Variants in CNOT3 observed in about 807,000 individuals in gnomAD.
CNOT3 encodes CCR4-associated factor 3.
In CNOT3, 2 loss-of-function variants were observed where a neutral mutation model predicts 89.4. The ratio of observed to expected loss-of-function variants is 0.02; its 90% CI spans 0.01 to 0.07. CNOT3 has a LOEUF of 0.07. Ranked by LOEUF, CNOT3 falls within the 10% of genes least tolerant of loss-of-function variation. The pLI is 1.00. For synonymous variants in CNOT3, 486 were observed against 402.0 expected (o/e 1.21, Z -2.50); for missense variants, 664 against 1,010.2 (o/e 0.66, Z 4.65).
intron 12 of CNOT3, 21 bp from the exon 13 acceptor site, chr19:54,149,539 T>G (rs748438986): frequency 4.6e-6 from 7 of 1,507,068 alleles, no homozygotes; most frequent in Non-Finnish European, 5.4e-6. Context: ...CTCAACCCCC[T>G]CTTCCATGCT....
chr19:54,151,128 C>T (rs12973183), intron 13 of CNOT3, among the ~76,000 whole-genome samples: 2 of 151,922 alleles, frequency 1.3e-5, no homozygotes, highest in Non-Finnish European at 2.9e-5. Context: ...ATTTATAGTG[C>T]GTGCATTTTT....
chr19:54,155,567 ACCCTGGGGG>A lies in CNOT3; in HGVS notation c.*164_*172del, dbSNP rs2075359883. 1.1e-5 allele frequency: 11 copies of A among 967,176 alleles called. 1 individual carries two copies. The South Asian group carries it at 1.7e-4, about 15-fold the overall frequency. 59.9% of individuals were successfully genotyped at this position (967,176 alleles called of 1,614,324 possible). ...GCCGGGAGGTTTTCCTCTCAGCCCC[ACCCTGGGGG>A]CCCGGGGGCGAGGGCTGCCCCCTCC... On this transcript the variant is annotated 3_prime_UTR_variant, in exon 18 of 18. Transcript: ENST00000221232.
Position 54,144,024 on chromosome 19 carries a change from G to A in CNOT3, c.277G>A (p.Val93Ile). The change falls in exon 6 of 18, where the codon GTT becomes ATT. Residue 93 changes from valine to isoleucine, a missense_variant. Transcript: ENST00000221232. This position sits in a 1 kb window ranked among gnomAD's most constrained non-coding sequence, Gnocchi z 4.8. ...TCTACAGCAAATGGAACGGTTCAAA[G>A]TTGTGGAACGAGAGACCAAAACCAA... ...LIETQMERFKVVERETKTKAY... is the reference protein window; with the variant it reads ...LIETQMERFKIVERETKTKAY... 1.3e-6 allele frequency: 2 copies of A among 1,597,230 alleles called. No homozygotes were observed. The highest frequency in any genetic ancestry group is 1.7e-6 in the Non-Finnish European group (2 of 1,175,650).
In CNOT3 at chr19:54,148,812, C is replaced by T. The variant is rs1485159946; in HGVS notation, c.1406+69C>T. ...GAAACAGAGAGGCGCAGGCGCCTCA[C>T]CCCCGCATCGGTGGGTTCTGAACCC... On this transcript the variant is annotated intron_variant, in intron 12 of 17. Transcript: ENST00000221232. The surrounding 1 kb of genome is among the most constrained non-coding windows in gnomAD (Gnocchi z 6.3). 3 of 1,518,692 alleles carry T rather than the reference C, an allele frequency of 2.0e-6. No homozygotes were observed. The highest frequency in any genetic ancestry group is 2.7e-6 in the Non-Finnish European group (3 of 1,122,284). 94.1% of individuals were successfully genotyped at this position (1,518,692 alleles called of 1,614,324 possible).
At chr19:54,152,783 C>T in intron 15 of CNOT3, 84 bp from the exon 16 acceptor site, 1 of 849,652 alleles carries the variant, frequency 1.2e-6, no homozygotes, top group Non-Finnish European at 2.0e-6. Flanking sequence ...CCACCTCCCC[C>T]CGCAGGGATG....
At chr19:54,150,406 G>A (rs2075006649) in intron 13 of CNOT3, among the ~76,000 whole-genome samples, 1 of 152,218 alleles carries the variant, frequency 6.6e-6, no homozygotes, top group Non-Finnish European at 1.5e-5. Flanking sequence ...AGAGAGGAGA[G>A]AGGTGTCCAC....
chr19:54,149,894 C>G (rs587605913), intron 13 of CNOT3, 136 bp downstream of exon 13: 13 of 929,516 alleles, frequency 1.4e-5, no homozygotes, highest in South Asian at 3.8e-5. Context: ...CTCACACTTG[C>G]TCTTTCTCCA....
At chr19:54,143,617 C>G (rs2074545714) in intron 4 of CNOT3, 43 bp from the exon 5 acceptor site, 2 of 1,608,054 alleles carry the variant, frequency 1.2e-6, no homozygotes, top group African/African-American at 1.3e-5. Context: ...GGCCCCAGTT[C>G]CTGGGTCCTG....
Position 54,152,907 on chromosome 19 carries a change from C to A in CNOT3, c.1945C>A (p.His649Asn). ...GAACCCCTGTCCGACGCCCCCCTAC[C>A]ACCACCAGATGCCACCCCCACACTC... ...PRNPCPTPPY[H>N]HQMPPPHSDT... is the part of the protein sequence containing the mutation. The change falls in exon 16 of 18, where the codon CAC becomes AAC. Residue 649 changes from histidine to asparagine, a missense_variant. By Grantham distance (68) the His-to-Asn change is moderately conservative (BLOSUM62 1). Transcript: ENST00000221232. The A allele has an allele frequency of 1.3e-6, 2 of 1,588,748 alleles. No homozygotes were observed. The highest frequency in any genetic ancestry group is 1.1e-5 in the South Asian group (1 of 88,622).
At position 54,146,609 on chromosome 19, in the gene CNOT3, T is replaced by G; in HGVS notation, c.846T>G (p.Ser282=). 6.5e-7 allele frequency: 1 copy of G among 1,533,240 alleles called. No homozygotes were observed. The highest frequency in any genetic ancestry group is 9.0e-7 in the Non-Finnish European group (1 of 1,106,396). 95.0% of individuals were successfully genotyped at this position (1,533,240 alleles called of 1,614,324 possible). The change falls in exon 10 of 18, where the codon TCT becomes TCG. Residue 282 remains serine (S), a synonymous_variant. Transcript: ENST00000221232. ...PSPANCTTEN[S]EDDKKRGRST... The stretch of plus-strand genomic sequence containing the variant: ...TGCCTCCCCTACCTCAGGAAAACTC[T>G]GAAGATGATAAGAAGAGGGGACGTT...
At chr19:54,154,031 C>T in intron 17 of CNOT3, 191 bp downstream of exon 17, 3 of 772,540 alleles carry the variant, frequency 3.9e-6, no homozygotes, top group Non-Finnish European at 6.9e-6. Flanking sequence ...TCCACTTGGC[C>T]AGCTCCTAGG....
chr19:54,152,750 G>A, intron 15 of CNOT3, 117 bp from the exon 16 acceptor site: 1 of 935,188 alleles, frequency 1.1e-6, no homozygotes, highest in Non-Finnish European at 1.7e-6. Context: ...CTGAAGGTCA[G>A]CACCGCCCTG....
At chr19:54,141,346 G>A (rs1276395357) in intron 1 of CNOT3, 2 of 152,300 alleles carry the variant, frequency 1.3e-5, no homozygotes, top group East Asian at 3.9e-4. Context: ...CAAGTGTAAG[G>A]TAGCACCCCT....
At chr19:54,147,623 G>A (rs367858806) in intron 10 of CNOT3, among the ~76,000 whole-genome samples, 27 of 152,314 alleles carry the variant, frequency 1.8e-4, no homozygotes, top group African/African-American at 5.1e-4. Context: ...GATTGCCTGC[G>A]GTAGGGATAC....
In CNOT3 at chr19:54,152,261, G is replaced by A. The variant is rs775605909; in HGVS notation, c.1641G>A (p.Ala547=). 2.5e-5 allele frequency: 41 copies of A among 1,614,000 alleles called. No individual in the cohort carries two copies. The highest frequency in any genetic ancestry group is 2.0e-4 in the East Asian group (9 of 44,868). ...PEPLSSLKSM[A]ERAAISSGIE... The stretch of plus-strand genomic sequence containing the variant: ...CTCTGAGCTCCTTGAAGTCCATGGC[G>A]GAACGGGCAGCCATCAGCTCTGGCA... Residue 547 remains alanine, a synonymous_variant, in exon 14 of 18, where the codon GCG becomes GCA. Coordinates refer to ENST00000221232, the MANE Select transcript of CNOT3 (RefSeq NM_014516.4).
At chr19:54,152,196 C>T in intron 13 of CNOT3, 30 bp from the exon 14 acceptor site, 1 of 1,612,006 alleles carries the variant, frequency 6.2e-7, no homozygotes. Context: ...AGCCCAAGTG[C>T]TCAGGCCAGG....
Position 54,148,026 on chromosome 19 carries a change from C to T in CNOT3, c.895-122C>T, listed in dbSNP as rs1337653321. ...ACCCAGGTCCCCAAGAGGGCAGGAGCAGGTGGGGGCAGCGAGGCCAGAGAG... is the reference window on the plus strand; with the variant it reads ...ACCCAGGTCCCCAAGAGGGCAGGAGTAGGTGGGGGCAGCGAGGCCAGAGAG... On this transcript the variant is annotated intron_variant, in intron 10 of 17. Coordinates refer to ENST00000221232, the MANE Select transcript of CNOT3 (RefSeq NM_014516.4). The surrounding 1 kb of genome is among the most constrained non-coding windows in gnomAD (Gnocchi z 6.3). 24 of 656,260 alleles carry T rather than the reference C, an allele frequency of 3.7e-5. No homozygotes were observed. Among genetic ancestry groups the T allele is most frequent in the Non-Finnish European group, 5.3e-5 (22 of 416,366 alleles). 40.7% of individuals were successfully genotyped at this position (656,260 alleles called of 1,614,324 possible).
At position 54,143,348 on chromosome 19, in the gene CNOT3, G is replaced by A. The variant is rs587761983; in HGVS notation, c.94-94G>A. 2.2e-6 allele frequency: 3 copies of A among 1,361,952 alleles called. No individual in the cohort carries two copies. In the African/African-American group the frequency reaches 4.3e-5, roughly 20 times the overall value. 84.4% of individuals were successfully genotyped at this position (1,361,952 alleles called of 1,614,324 possible). A position where few individuals can be genotyped will look rare whatever the true frequency, so the allele number is the denominator to read the frequency against. ...ATGGATTGGGGGTAGGGGTTGGGGG[G>A]GGTCCTCGAGTCCCTAGCATAAGGA... is the stretch of plus-strand genomic sequence containing the variant. On this transcript the variant is annotated intron_variant, in intron 3 of 17. Coordinates refer to ENST00000221232, the MANE Select transcript of CNOT3 (RefSeq NM_014516.4).
At chr19:54,139,784 G>A (rs11670625) in intron 1 of CNOT3, among the ~76,000 whole-genome samples, 15,374 of 152,054 alleles carry the variant, frequency 0.1, 888 homozygotes, top group South Asian at 0.22. Context: ...TGTAGACCCT[G>A]TCCCTGGGAC....
Sources: allele counts gnomAD v4.1 joint callset (sites outside exome capture counted in the v4.1 genomes callset), GRCh38; gene constraint gnomAD v4.1.1; non-coding constraint Gnocchi (gnomAD v3.1); transcripts MANE v1.5; gene names NCBI Gene and HGNC (gene_info 2026-07-23, HGNC 2026-07-21).